Variants in CYP2C19 observed in about 807,000 individuals in gnomAD.
CYP2C19 encodes cytochrome P450 family 2 subfamily C member 19.
In CYP2C19, 59 loss-of-function variants were observed where a neutral mutation model predicts 40.9. The ratio of observed to expected loss-of-function variants is 1.44; its 90% CI spans 1.17 to 1.79. The LOEUF (loss-of-function observed/expected upper bound fraction) is 1.79. Ranked by LOEUF, CYP2C19 falls within the 40% of genes most tolerant of loss-of-function variation. The pLI, the probability that CYP2C19 is intolerant of heterozygous loss-of-function variation, is 0.00. For synonymous variants in CYP2C19, 253 were observed against 208.7 expected (o/e 1.21, Z -1.83); for missense variants, 754 against 596.9 (o/e 1.26, Z -2.74).
Position 94,773,343 on chromosome 10 carries a change from T to C in CYP2C19, c.169-1715T>C, listed in dbSNP as rs1848361743. On this transcript the variant is annotated intron_variant, in intron 1 of 8. Coordinates refer to ENST00000371321, the MANE Select transcript of CYP2C19 (RefSeq NM_000769.4). ...AGATGGTGTGTCTGGAGTTTGTTCC[T>C]TCAGATGTTCAGATGTGGCCAGAGT... 3.3e-5 allele frequency among the ~76,000 whole-genome samples: 5 copies of C among 152,180 alleles called. No homozygotes were observed. In the South Asian group the frequency reaches 1.0e-3, roughly 32 times the overall value.
Position 94,854,945 on chromosome 10 carries a change from A to G in CYP2C19, c.*2031A>G, listed in dbSNP as rs1444284218. On this transcript the variant is annotated 3_prime_UTR_variant, in exon 9 of 9. Transcript: ENST00000371321. ...ATTCTTCATTGGGAAATGAAAATGT[A>G]TTAATGTAGTGTTAGTAGAGGTGTT... Among the ~76,000 whole-genome samples the G allele has an allele frequency of 6.6e-6, 1 of 152,188 alleles. No homozygotes were observed. Among genetic ancestry groups the G allele is most frequent in the Non-Finnish European group, 1.5e-5 (1 of 68,026 alleles).
intron 1 of CYP2C19, among the ~76,000 whole-genome samples, chr10:94,770,718 A>G (rs1848317224): frequency 6.6e-6 from 1 of 152,026 alleles, no homozygotes. Context: ...AAGCAGAAGG[A>G]TTTTCTTCCT....
intron 5 of CYP2C19, among the ~76,000 whole-genome samples, chr10:94,812,295 C>T (rs1848938849): frequency 6.6e-6 from 1 of 152,160 alleles, no homozygotes. Context: ...TTCTTTCTGG[C>T]TTCCCTTAAC....
rs1849627924 is a variant in CYP2C19 at position 94,849,978 on chromosome 10, C to G, written c.1211C>G (p.Pro404Arg). 6.2e-7 allele frequency: 1 copy of G among 1,613,658 alleles called. No individual in the cohort carries two copies. Among genetic ancestry groups the G allele is most frequent in the Non-Finnish European group, 8.5e-7 (1 of 1,179,816 alleles). Residue 404 changes from proline (P) to arginine (R), a missense_variant, in exon 8 of 9, where the codon CCA (proline) becomes CGA (arginine). Pro to Arg is a moderately radical substitution (Grantham distance 103). Transcript: ENST00000371321. ...VLHDNKEFPN[P>R]EMFDPRHFLD... ...CATGACAACAAAGAATTTCCCAACC[C>G]AGAGATGTTTGACCCTCGTCACTTT...
chr10:94,772,895 C>A lies in CYP2C19; in HGVS notation c.169-2163C>A, dbSNP rs181924249. Among the ~76,000 whole-genome samples, 979 of 152,304 alleles carry A rather than the reference C, an allele frequency of 6.4e-3. 10 individuals carry two copies. The highest frequency in any genetic ancestry group is 0.01 in the South Asian group (50 of 4,832). ...TTCCTGGGTTCATGCCATTCTCCTG[C>A]CTCAGCCTCCCGAGTAGCTGGGACT... On this transcript the variant is annotated intron_variant, in intron 1 of 8. Coordinates refer to ENST00000371321, the MANE Select transcript of CYP2C19 (RefSeq NM_000769.4).
chr10:94,834,577 G>A, intron 6 of CYP2C19, among the ~76,000 whole-genome samples: 1 of 135,798 alleles, frequency 7.4e-6, no homozygotes, highest in Non-Finnish European at 1.6e-5. Flanking sequence ...TTGTGCAGTT[G>A]CAAGATTTAA....
intron 5 of CYP2C19, among the ~76,000 whole-genome samples, chr10:94,809,879 G>GTTTA (rs1439930151): frequency 2.0e-5 from 3 of 151,762 alleles, no homozygotes; most frequent in Non-Finnish European, 4.4e-5. Flanking sequence ...GTGTGTGTTT[G>GTTTA]TTTATTTATT....
At chr10:94,794,588 G>C (rs576166463) in intron 5 of CYP2C19, among the ~76,000 whole-genome samples, 2 of 152,244 alleles carry the variant, frequency 1.3e-5, no homozygotes, top group South Asian at 4.1e-4. Context: ...TTGAGCAGTG[G>C]TTGGTAGTTC....
At chr10:94,817,212 C>A (rs1849019914) in intron 5 of CYP2C19, among the ~76,000 whole-genome samples, 1 of 146,384 alleles carries the variant, frequency 6.8e-6, no homozygotes, top group Non-Finnish European at 1.5e-5. Context: ...AAAAGTGTTC[C>A]CATTTCTCCA....
At chr10:94,826,932 G>A (rs1470620487) in intron 6 of CYP2C19, among the ~76,000 whole-genome samples, 1 of 152,090 alleles carries the variant, frequency 6.6e-6, no homozygotes, top group Admixed American at 6.5e-5. Flanking sequence ...TGTGGTTTTT[G>A]TCTTTGGTTC....
chr10:94,767,805 A>G (rs1324555636), intron 1 of CYP2C19, among the ~76,000 whole-genome samples: 1 of 152,110 alleles, frequency 6.6e-6, no homozygotes, highest in Non-Finnish European at 1.5e-5. Flanking sequence ...AACCACGCTG[A>G]GGGGAGAGAA....
At chr10:94,837,821 T>G (rs764449672) in intron 6 of CYP2C19, among the ~76,000 whole-genome samples, 1 of 152,178 alleles carries the variant, frequency 6.6e-6, no homozygotes, top group Non-Finnish European at 1.5e-5. Context: ...TGCTGGATCA[T>G]CTGGTTAGTG....
chr10:94,830,745 C>T (rs1173612873), intron 6 of CYP2C19, among the ~76,000 whole-genome samples: 1 of 151,970 alleles, frequency 6.6e-6, no homozygotes, highest in Non-Finnish European at 1.5e-5. Flanking sequence ...ACAGATTTAT[C>T]TTTTTTCCTT....
chr10:94,793,768 C>G (rs1317743219), intron 5 of CYP2C19, among the ~76,000 whole-genome samples: 2 of 152,130 alleles, frequency 1.3e-5, no homozygotes, highest in Non-Finnish European at 2.9e-5. Flanking sequence ...CAGTCGGCCC[C>G]TACTAGGAGG....
At chr10:94,843,760 G>T (rs574584788) in intron 7 of CYP2C19, among the ~76,000 whole-genome samples, 2 of 151,836 alleles carry the variant, frequency 1.3e-5, no homozygotes, top group Non-Finnish European at 2.9e-5. Flanking sequence ...TCTCTTTATT[G>T]CATTCATTAT....
In CYP2C19 at chr10:94,855,288, C is replaced by G; in HGVS notation, c.*2374C>G. ...ACCCATTTGAACAACCAAACAATTG[C>G]ACTGATGATCTGTTAAGCATCTTGT... is the stretch of plus-strand genomic sequence containing the variant. On this transcript the variant is annotated 3_prime_UTR_variant, in exon 9 of 9. Coordinates refer to ENST00000371321, the MANE Select transcript of CYP2C19 (RefSeq NM_000769.4). Among the ~76,000 whole-genome samples the G allele has an allele frequency of 6.6e-6, 1 of 152,202 alleles. No homozygotes were observed. Among genetic ancestry groups the G allele is most frequent in the South Asian group, 2.1e-4 (1 of 4,836 alleles).
intron 3 of CYP2C19, among the ~76,000 whole-genome samples, chr10:94,778,613 CAA>C (rs1034730928): frequency 3.3e-5 from 5 of 152,136 alleles, no homozygotes; most frequent in East Asian, 1.9e-4. Context: ...AGTTAGGAAA[CAA>C]GAGATGCTGG....
In CYP2C19 at chr10:94,853,006, C is replaced by A; in HGVS notation, c.*92C>A. On this transcript the variant is annotated 3_prime_UTR_variant, in exon 9 of 9. Coordinates refer to ENST00000371321, the MANE Select transcript of CYP2C19 (RefSeq NM_000769.4). Reference sequence around the variant, plus strand: ...CACTATCTGTGATGCTTCTTCTGACCCGTCATCTCACATTTTCCCTTCCCC... The same window carrying A: ...CACTATCTGTGATGCTTCTTCTGACACGTCATCTCACATTTTCCCTTCCCC... 2 of 1,358,472 alleles carry A rather than the reference C, an allele frequency of 1.5e-6. No homozygotes were observed. The highest frequency in any genetic ancestry group is 2.0e-6 in the Non-Finnish European group (2 of 979,232). 84.2% of individuals were successfully genotyped at this position (1,358,472 alleles called of 1,614,324 possible).
chr10:94,806,089 C>T (rs1212890729), intron 5 of CYP2C19, among the ~76,000 whole-genome samples: 2 of 149,658 alleles, frequency 1.3e-5, no homozygotes, highest in South Asian at 2.2e-4. Flanking sequence ...AACCAACATT[C>T]TACTTTATGT....
Sources: gnomAD v4.1 joint callset for allele counts (sites outside exome capture counted in the v4.1 genomes callset) on GRCh38, gnomAD v4.1.1 for gene constraint, MANE v1.5 for transcripts, NCBI Gene and HGNC (gene_info 2026-07-23, HGNC 2026-07-21) for gene names.